KLF17: variants seen among roughly 807,000 people sequenced by gnomAD.
KLF17 encodes KLF transcription factor 17.
A neutral mutation model predicts 34.2 loss-of-function variants in KLF17; 31 were observed. The observed-to-expected ratio is 0.91, with a 90% CI of 0.68 to 1.22. KLF17 has a LOEUF of 1.22. Ranked by LOEUF, KLF17 falls within the 50% of genes most tolerant of loss-of-function variation. The pLI is 0.00. For synonymous variants in KLF17, 179 were observed against 186.7 expected, an observed-to-expected ratio of 0.96 and a Z score of 0.34; for missense variants, 478 against 505.2, an observed-to-expected ratio of 0.95 and a Z score of 0.52.
chr1:44,120,550 T>C (rs1042717308), intron 1 of KLF17, among the ~76,000 whole-genome samples: 6 of 152,290 alleles, frequency 3.9e-5, no homozygotes, highest in Admixed American at 3.3e-4. Flanking sequence ...TGCTTGGTCA[T>C]AGTGGGATGG....
At chr1:44,128,771 G>C (rs1169739143) in intron 1 of KLF17, among the ~76,000 whole-genome samples, 1 of 152,140 alleles carries the variant, frequency 6.6e-6, no homozygotes, top group Non-Finnish European at 1.5e-5. Flanking sequence ...CCAGCACTTT[G>C]GGAGGCCAAG....
Position 44,126,396 on chromosome 1 carries a change from T to C in KLF17, c.82-2957T>C, listed in dbSNP as rs186021220. ...CAAGTTGCTCCAGGAACATGGGGTG[T>C]GTATCGGTAGCTACTACCTACCTAA... is the stretch of plus-strand genomic sequence containing the variant. On this transcript the variant is annotated intron_variant, in intron 1 of 3. Transcript: ENST00000372299. 1.1e-4 allele frequency among the ~76,000 whole-genome samples: 16 copies of C among 152,316 alleles called. 2 individuals are homozygous for C. Among genetic ancestry groups the C allele is most frequent in the African/African-American group, 3.8e-4 (16 of 41,576 alleles).
At chr1:44,060,597 C>T in the KLF17 span, among the ~76,000 whole-genome samples, 10 of 152,222 alleles carry the variant, frequency 6.6e-5, no homozygotes, top group South Asian at 1.7e-3. Flanking sequence ...TTAATTCAAT[C>T]GGAAGGAATT....
chr1:44,129,032 A>C (rs964670490), intron 1 of KLF17, among the ~76,000 whole-genome samples: 6 of 151,510 alleles, frequency 4.0e-5, no homozygotes, highest in African/African-American at 7.3e-5. Context: ...AAAAAAAAAA[A>C]CTGGAGTTTG....
chr1:44,054,534 G>A, the KLF17 span, among the ~76,000 whole-genome samples: 9 of 144,368 alleles, frequency 6.2e-5, no homozygotes, highest in Admixed American at 6.4e-4. Flanking sequence ...GGGCTGGAGT[G>A]CAGTGGTGTG....
At chr1:44,121,316 T>TAAA (rs2087943219) in intron 1 of KLF17, among the ~76,000 whole-genome samples, 4 of 152,164 alleles carry the variant, frequency 2.6e-5, no homozygotes, top group African/African-American at 9.7e-5. Context: ...GATTTTGCTA[T>TAAA]GTTTGTCAGG....
At chr1:44,125,506 C>T (rs774008918) in intron 1 of KLF17, among the ~76,000 whole-genome samples, 1 of 152,036 alleles carries the variant, frequency 6.6e-6, no homozygotes, top group Non-Finnish European at 1.5e-5. Context: ...GAGACGGGGT[C>T]TCACTCTCTG....
At chr1:44,091,390 T>C in the KLF17 span, among the ~76,000 whole-genome samples, 1 of 152,042 alleles carries the variant, frequency 6.6e-6, no homozygotes, top group South Asian at 2.1e-4. Flanking sequence ...GCACTGTGGC[T>C]CACACCTGTA....
chr1:44,123,816 C>A (rs1039566362), intron 1 of KLF17, among the ~76,000 whole-genome samples: 2 of 149,812 alleles, frequency 1.3e-5, no homozygotes, highest in Non-Finnish European at 3.0e-5. Context: ...TTTATTTGAC[C>A]CATTGATTGT....
the KLF17 span, among the ~76,000 whole-genome samples, chr1:44,080,430 G>A: frequency 1.3e-5 from 2 of 151,196 alleles, no homozygotes; most frequent in African/African-American, 2.4e-5. Context: ...AGTAGAGACG[G>A]GGTTTCACCA....
the KLF17 span, chr1:44,103,912 G>T: frequency 1.2e-6 from 1 of 828,978 alleles, no homozygotes; most frequent in Non-Finnish European, 2.1e-6. Context: ...AGCGCCTGCA[G>T]CTTCTCATAC....
the KLF17 span, among the ~76,000 whole-genome samples, chr1:44,081,362 C>T: frequency 6.6e-6 from 1 of 150,478 alleles, no homozygotes; most frequent in Non-Finnish European, 1.5e-5. Context: ...TTAAACGAAG[C>T]TTAGCTCAAA....
the KLF17 span, among the ~76,000 whole-genome samples, chr1:44,080,784 G>A: frequency 2.0e-4 from 28 of 137,348 alleles, no homozygotes; most frequent in East Asian, 5.6e-3. Flanking sequence ...GCGTGATCTC[G>A]GCTCACTGCA....
chr1:44,087,183 G>A, the KLF17 span, among the ~76,000 whole-genome samples: 537 of 152,288 alleles, frequency 3.5e-3, 4 homozygotes, highest in African/African-American at 0.012. Flanking sequence ...GTATTGGTCA[G>A]TTCAGGCTGC....
At chr1:44,049,502 A>G in the KLF17 span, among the ~76,000 whole-genome samples, 130 of 152,306 alleles carry the variant, frequency 8.5e-4, 1 homozygote, top group African/African-American at 2.8e-3. Context: ...TTTCTTTTTG[A>G]GAGAAGGTCT....
chr1:44,090,688 G>A, the KLF17 span, among the ~76,000 whole-genome samples: 5 of 152,080 alleles, frequency 3.3e-5, no homozygotes, highest in African/African-American at 4.8e-5. Context: ...AAAGGGCAGC[G>A]TAGCCTCAAG....
At chr1:44,101,608 G>A in the KLF17 span, 2 of 152,232 alleles carry the variant, frequency 1.3e-5, no homozygotes, top group African/African-American at 4.8e-5. Flanking sequence ...CACGTCAGGA[G>A]ACACATGGTA....
chr1:44,067,956 C>T, the KLF17 span, among the ~76,000 whole-genome samples: 1 of 152,104 alleles, frequency 6.6e-6, no homozygotes, highest in South Asian at 2.1e-4. Flanking sequence ...CTCTGAGCCT[C>T]AGGCAGCACT....
the KLF17 span, among the ~76,000 whole-genome samples, chr1:44,069,326 C>A: frequency 0.09 from 13,675 of 152,150 alleles, 634 homozygotes; most frequent in Non-Finnish European, 0.11. The surrounding 1 kb of genome is among the most constrained non-coding windows in gnomAD (Gnocchi z 4.7). Context: ...TGAAGAAATA[C>A]CTGAGGCTGG....
Sources: gnomAD v4.1 joint callset for allele counts (sites outside exome capture counted in the v4.1 genomes callset) on GRCh38, gnomAD v4.1.1 for gene constraint, Gnocchi (gnomAD v3.1) non-coding constraint, MANE v1.5 for transcripts, NCBI Gene and HGNC (gene_info 2026-07-23, HGNC 2026-07-21) for gene names.